Variants in CCDC110 observed in about 807,000 individuals in gnomAD.
CCDC110 encodes coiled-coil domain-containing protein 110.
A neutral mutation model predicts 77.1 loss-of-function variants in CCDC110; 70 were observed. That is an observed-to-expected ratio of 0.91 (90% CI 0.75 to 1.11). CCDC110 has a LOEUF of 1.11. Ranked by LOEUF, CCDC110 falls within the 50% of genes least tolerant of loss-of-function variation. The probability of loss-of-function intolerance (pLI) is 0.00; values close to 1 mark genes in which losing one functional copy is unlikely to be tolerated. For synonymous variants in CCDC110, 295 were observed against 312.5 expected (o/e 0.94, Z 0.59); for missense variants, 868 against 942.9 (o/e 0.92, Z 1.04).
intron 6 of CCDC110, chr4:185,457,425 A>T: frequency 2.7e-6 from 1 of 376,388 alleles, no homozygotes; most frequent in Non-Finnish European, 5.1e-6. Context: ...GATCCTCTTT[A>T]CACTGCCTGT....
intron 6 of CCDC110, among the ~76,000 whole-genome samples, chr4:185,455,050 T>A (rs187245163): frequency 4.6e-5 from 7 of 152,208 alleles, no homozygotes; most frequent in African/African-American, 1.7e-4. Flanking sequence ...ACTTAACAGA[T>A]GTTGAGTGTC....
At chr4:185,449,357 C>CA (rs1356348112) in intron 6 of CCDC110, among the ~76,000 whole-genome samples, 1 of 151,864 alleles carries the variant, frequency 6.6e-6, no homozygotes, top group Non-Finnish European at 1.5e-5. Flanking sequence ...TCTGTCTCTA[C>CA]AAAAAATATA....
chr4:185,466,127 G>A (rs2095655284), intron 2 of CCDC110, among the ~76,000 whole-genome samples: 1 of 152,126 alleles, frequency 6.6e-6, no homozygotes, highest in Non-Finnish European at 1.5e-5. Flanking sequence ...TGTAATCCCA[G>A]CACTTTGGGA....
At chr4:185,463,273 G>A (rs1027043360) in intron 2 of CCDC110, among the ~76,000 whole-genome samples, 46 of 152,056 alleles carry the variant, frequency 3.0e-4, no homozygotes, top group African/African-American at 8.2e-4. Flanking sequence ...AGAGTACACC[G>A]TTAATTTGCA....
In CCDC110 at chr4:185,452,723, T is replaced by C. The variant is rs577914445; in HGVS notation, c.2461+5403A>G. Among the ~76,000 whole-genome samples the C allele has an allele frequency of 2.6e-5, 4 of 152,174 alleles. No homozygotes were observed. The East Asian group carries it at 5.8e-4, about 22-fold the overall frequency. On this transcript the variant is annotated intron_variant, in intron 6 of 6. Transcript: ENST00000307588. ...CAGCTTGATCAACATGGTGAAATAC[T>C]GTCTTTACCAAAAATACAAAAATTA...
At chr4:185,465,048 T>C (rs2095653024) in intron 2 of CCDC110, among the ~76,000 whole-genome samples, 1 of 152,222 alleles carries the variant, frequency 6.6e-6, no homozygotes, top group Non-Finnish European at 1.5e-5. Context: ...TTCATGGTAT[T>C]TGCTAGTTAT....
At position 185,461,092 on chromosome 4, in the gene CCDC110, G is replaced by T; in HGVS notation, c.305C>A (p.Ser102Ter). The T allele has an allele frequency of 6.2e-7, 1 of 1,601,024 alleles. No individual in the cohort carries two copies. Among genetic ancestry groups the T allele is most frequent in the Non-Finnish European group, 8.5e-7 (1 of 1,173,624 alleles). Residue 102 changes from serine (S) to a stop codon, truncating the protein, a stop_gained, in exon 5 of 7, where the codon TCA becomes TAA. Transcript: ENST00000307588. LOFTEE classifies it high-confidence loss of function. ...CGTGCCAAACACCAGATTTTTTTCT[G>T]AGCTAAATTGTGGGTTTTCTACTTC... is the stretch of plus-strand genomic sequence containing the variant. ...IIEVENPQFS[S>*]EKNLVFGTRI...
At chr4:185,447,384 G>A (rs1339145966) in intron 6 of CCDC110, among the ~76,000 whole-genome samples, 1 of 152,036 alleles carries the variant, frequency 6.6e-6, no homozygotes, top group African/African-American at 2.4e-5. Flanking sequence ...GTTTCACTGT[G>A]TTAGCCAGGA....
Position 185,461,540 on chromosome 4 carries a change from T to C in CCDC110, c.238-381A>G, listed in dbSNP as rs775047188. Among the ~76,000 whole-genome samples the C allele has an allele frequency of 3.9e-5, 6 of 152,326 alleles. No individual in the cohort carries two copies. In the Middle Eastern group the frequency reaches 0.01, roughly 261 times the overall value. ...TTAGTATAAGAATATTGGGATGAAG[T>C]TTACACTGGGTCTTTAGTGAATATG... is the stretch of plus-strand genomic sequence containing the variant. On this transcript the variant is annotated intron_variant, in intron 4 of 6. Transcript: ENST00000307588.
chr4:185,448,099 C>T (rs1400824091), intron 6 of CCDC110, among the ~76,000 whole-genome samples: 1 of 152,082 alleles, frequency 6.6e-6, no homozygotes, highest in Admixed American at 6.5e-5. Flanking sequence ...CGGCTCACTG[C>T]AACCTCTGCC....
intron 6 of CCDC110, among the ~76,000 whole-genome samples, chr4:185,448,810 A>G (rs1424947951): frequency 6.6e-6 from 1 of 152,188 alleles, no homozygotes; most frequent in African/African-American, 2.4e-5. Context: ...CAGGTTTTCT[A>G]TGTGTCCTCT....
At chr4:185,452,087 A>C (rs561226436) in intron 6 of CCDC110, 17 of 509,702 alleles carry the variant, frequency 3.3e-5, no homozygotes, top group Non-Finnish European at 4.0e-5. Context: ...GACAGGTGCA[A>C]ACTAGTTATG....
In CCDC110 at chr4:185,459,341, T is replaced by G; in HGVS notation, c.1246A>C (p.Lys416Gln). The change falls in exon 6 of 7, where the codon AAA (lysine) becomes CAA (glutamine). Residue 416 changes from lysine (K) to glutamine (Q), a missense_variant. Lys to Gln is a moderately conservative substitution (Grantham distance 53). Coordinates refer to ENST00000307588, the MANE Select transcript of CCDC110 (RefSeq NM_152775.4). ...SIISENEKTS[K>Q]VNSVTEQCVA... The stretch of plus-strand genomic sequence containing the variant: ...CACTGCTCAGTAACGGAATTAACTT[T>G]GGAAGTTTTCTCATTTTCAGATATT... 1 of 1,612,094 alleles carries G rather than the reference T, an allele frequency of 6.2e-7. No individual in the cohort carries two copies. Among genetic ancestry groups the G allele is most frequent in the Non-Finnish European group, 8.5e-7 (1 of 1,179,186 alleles).
rs113432585 is a variant in CCDC110 at position 185,468,174 on chromosome 4, C to T, written c.115+2771G>A. Among the ~76,000 whole-genome samples, 209 of 152,298 alleles carry T rather than the reference C, an allele frequency of 1.4e-3. No individual in the cohort carries two copies. Among genetic ancestry groups the T allele is most frequent in the Non-Finnish European group, 2.7e-3 (187 of 68,030 alleles). ...TGGCACCCTCTGCATGAGGCTTTGT[C>T]ACAGTCATTATGCAAGGAGCTATGC... On this transcript the variant is annotated intron_variant, in intron 2 of 6. Transcript: ENST00000307588. The surrounding 1 kb of genome is among the most constrained non-coding windows in gnomAD (Gnocchi z 4.5).
intron 6 of CCDC110, 107 bp from the exon 7 acceptor site, chr4:185,445,649 G>A: frequency 1.4e-6 from 1 of 693,530 alleles, no homozygotes; most frequent in Non-Finnish European, 2.4e-6. Flanking sequence ...TTTTATCCAG[G>A]TTTTGCATAC....
chr4:185,470,697 C>T lies in CCDC110; in HGVS notation c.115+248G>A, dbSNP rs116784165. ...CTGTGTGACCTTAGGGAGTTAACCT[C>T]TCTGTGCCCGTTTCCTTATCTGCAA... is the stretch of plus-strand genomic sequence containing the variant. On this transcript the variant is annotated intron_variant, in intron 2 of 6. Transcript: ENST00000307588. The T allele has an allele frequency of 3.1e-3, 1,854 of 595,832 alleles. 3 individuals carry two copies. The highest frequency in any genetic ancestry group is 4.8e-3 in the Non-Finnish European group (1,524 of 317,380). 36.9% of individuals were successfully genotyped at this position (595,832 alleles called of 1,614,324 possible). A position where few individuals can be genotyped will look rare whatever the true frequency, so the allele number is the denominator to read the frequency against.
intron 6 of CCDC110, among the ~76,000 whole-genome samples, chr4:185,447,964 A>C (rs74995220): frequency 6.6e-6 from 1 of 152,148 alleles, no homozygotes; most frequent in Non-Finnish European, 1.5e-5. Flanking sequence ...CAAGCCTACT[A>C]TGTCTTGCTG....
chr4:185,449,248 C>T (rs1231949966), intron 6 of CCDC110, among the ~76,000 whole-genome samples: 2 of 152,002 alleles, frequency 1.3e-5, no homozygotes, highest in African/African-American at 4.8e-5. Context: ...ATAGGCTGGG[C>T]GTGTTGGCTC....
intron 2 of CCDC110, chr4:185,470,598 A>G (rs1418091281): frequency 2.1e-6 from 1 of 470,604 alleles, no homozygotes; most frequent in Non-Finnish European, 4.2e-6. Flanking sequence ...CAGAGAAGCA[A>G]CGGAGCGTAG....
Sources: gnomAD v4.1 joint callset for allele counts (sites outside exome capture counted in the v4.1 genomes callset) on GRCh38, gnomAD v4.1.1 for gene constraint, Gnocchi (gnomAD v3.1) non-coding constraint, MANE v1.5 for transcripts, NCBI Gene and HGNC (gene_info 2026-07-23, HGNC 2026-07-21) for gene names.